The following THSD7B variants were observed in gnomAD, a reference collection of about 807,000 sequenced individuals.
THSD7B encodes the protein thrombospondin type-1 domain-containing protein 7B.
THSD7B carries 138 observed loss-of-function variants against 213.6 expected under a neutral mutation model. That is an observed-to-expected ratio of 0.65 (90% CI 0.56 to 0.74). The LOEUF is 0.74. Among genes scored for constraint, THSD7B ranks in the 30% least tolerant of loss-of-function variants. THSD7B has a pLI of 0.00. For missense variants in THSD7B, 1,931 were observed against 1,991.5 expected, an observed-to-expected ratio of 0.97 and a Z score of 0.58; for synonymous variants, 742 against 687.0, an observed-to-expected ratio of 1.08 and a Z score of -1.25.
rs1683883575 is a variant in THSD7B at position 136,892,663 on chromosome 2, GCTGT to G, written c.139+10351_139+10354del. On this transcript the variant is annotated intron_variant, in intron 2 of 27. Transcript: ENST00000409968. ...ATGTCCTCTTGAGAAGTTGAATTTT[GCTGT>G]CTGTTTTCCTGCAGAGATTAAGGAA... 2.0e-5 allele frequency among the ~76,000 whole-genome samples: 3 copies of G among 151,878 alleles called. No individual in the cohort carries two copies. In the South Asian group the frequency reaches 6.3e-4, roughly 32 times the overall value.
At chr2:137,033,927 C>T (rs1357869548) in intron 2 of THSD7B, among the ~76,000 whole-genome samples, 1 of 152,142 alleles carries the variant, frequency 6.6e-6, no homozygotes, top group African/African-American at 2.4e-5. Flanking sequence ...TCTCCCAATG[C>T]TATCCCTCCC....
chr2:137,228,316 A>C (rs1442438895), intron 7 of THSD7B, among the ~76,000 whole-genome samples: 1 of 152,088 alleles, frequency 6.6e-6, no homozygotes, highest in Non-Finnish European at 1.5e-5. Flanking sequence ...ATTGACATTA[A>C]AGTTCACTGA....
chr2:137,626,834 G>T (rs1031572222), intron 20 of THSD7B, among the ~76,000 whole-genome samples: 2 of 152,182 alleles, frequency 1.3e-5, no homozygotes, highest in African/African-American at 4.8e-5. Flanking sequence ...TGCTTGCTAT[G>T]GTGTAACAAG....
chr2:137,314,830 G>T (rs556780944), intron 12 of THSD7B, among the ~76,000 whole-genome samples: 1 of 152,224 alleles, frequency 6.6e-6, no homozygotes, highest in Non-Finnish European at 1.5e-5. Flanking sequence ...GGGGTCAGGG[G>T]TCAGGGACCC....
intron 2 of THSD7B, among the ~76,000 whole-genome samples, chr2:136,974,337 T>C (rs770056423): frequency 6.6e-6 from 1 of 152,108 alleles, no homozygotes; most frequent in Non-Finnish European, 1.5e-5. Context: ...TTCCTAATGC[T>C]CTCCCTCCCC....
At chr2:137,311,663 A>AT (rs1489300552) in intron 12 of THSD7B, among the ~76,000 whole-genome samples, 2 of 151,830 alleles carry the variant, frequency 1.3e-5, no homozygotes, top group Non-Finnish European at 2.9e-5. Flanking sequence ...AGCTCTTATT[A>AT]TTTTGAGATA....
In THSD7B at chr2:137,440,278, C is replaced by G. The variant is rs147128196; in HGVS notation, c.2960-10567C>G. On this transcript the variant is annotated intron_variant, in intron 14 of 27. Coordinates refer to ENST00000409968, the MANE Select transcript of THSD7B (RefSeq NM_001316349.2). Reference sequence around the variant, plus strand: ...CTTTTTCATTATATAATTTCCAGAGCCCACATGTCTGCTCCAACACTGGCT... The same window carrying G: ...CTTTTTCATTATATAATTTCCAGAGGCCACATGTCTGCTCCAACACTGGCT... Among the ~76,000 whole-genome samples, 1,378 of 152,094 alleles carry G rather than the reference C, an allele frequency of 9.1e-3. 17 individuals carry two copies. Among genetic ancestry groups the G allele is most frequent in the African/African-American group, 0.031 (1,306 of 41,506 alleles).
At chr2:137,399,009 C>T (rs537344610) in intron 12 of THSD7B, among the ~76,000 whole-genome samples, 91 of 152,238 alleles carry the variant, frequency 6.0e-4, no homozygotes, top group African/African-American at 1.9e-3. Flanking sequence ...GGCAATGCCT[C>T]GCCCTGCTTC....
rs376949671 is a variant in THSD7B at position 136,832,175 on chromosome 2, T to TTGTGTGTGTG, written c.-35-49951_-35-49942dup. The stretch of plus-strand genomic sequence containing the variant: ...CAGAATCAATAGGATATACATCCTA[T>TTGTGTGTGTG]TGTGTGTGTGTGTGTGTGTGTGTGT... On this transcript the variant is annotated intron_variant, in intron 1 of 27. Coordinates refer to ENST00000409968, the MANE Select transcript of THSD7B (RefSeq NM_001316349.2). Among the ~76,000 whole-genome samples, 139 of 72,980 alleles carry TTGTGTGTGTG rather than the reference T, an allele frequency of 1.9e-3. 1 individual carries two copies. The highest frequency in any genetic ancestry group is 4.4e-3 in the Admixed American group (30 of 6,832). 47.9% of individuals were successfully genotyped at this position (72,980 alleles called of 152,430 possible). A position where few individuals can be genotyped will look rare whatever the true frequency, so the allele number is the denominator to read the frequency against.
chr2:137,030,992 T>C (rs1686655133), intron 2 of THSD7B, among the ~76,000 whole-genome samples: 1 of 152,220 alleles, frequency 6.6e-6, no homozygotes, highest in Non-Finnish European at 1.5e-5. Context: ...ACTATTGTTA[T>C]TGTATTAATA....
chr2:136,880,852 A>C (rs971549992), intron 1 of THSD7B, among the ~76,000 whole-genome samples: 3 of 152,090 alleles, frequency 2.0e-5, no homozygotes, highest in African/African-American at 7.2e-5. Flanking sequence ...ATGCACACTG[A>C]TTCTAGTTAT....
intron 1 of THSD7B, among the ~76,000 whole-genome samples, chr2:136,834,764 T>A (rs1682817537): frequency 6.6e-6 from 1 of 152,204 alleles, no homozygotes; most frequent in Admixed American, 6.5e-5. Context: ...TAGCACTGTT[T>A]GGACAGCTGC....
chr2:137,156,831 G>A (rs1337012993), intron 5 of THSD7B, among the ~76,000 whole-genome samples: 1 of 152,128 alleles, frequency 6.6e-6, no homozygotes. Context: ...GGTTGATTGA[G>A]TACTTTGAAC....
intron 12 of THSD7B, among the ~76,000 whole-genome samples, chr2:137,395,216 A>T (rs1477438061): frequency 3.5e-5 from 5 of 144,788 alleles, no homozygotes; most frequent in Non-Finnish European, 6.1e-5. Context: ...AGGAGTGGTG[A>T]GAGAGGGCAT....
chr2:136,833,946 A>AT (rs1032661201), intron 1 of THSD7B, among the ~76,000 whole-genome samples: 62 of 152,144 alleles, frequency 4.1e-4, no homozygotes, highest in Admixed American at 4.6e-4. Flanking sequence ...ATCCCCATAG[A>AT]TTTTTTTTGA....
intron 15 of THSD7B, among the ~76,000 whole-genome samples, chr2:137,471,198 G>T (rs1226973931): frequency 6.6e-6 from 1 of 151,950 alleles, no homozygotes; most frequent in Non-Finnish European, 1.5e-5. Flanking sequence ...TGCAATTATA[G>T]GTGTAAGCCA....
intron 5 of THSD7B, among the ~76,000 whole-genome samples, chr2:137,117,405 C>G (rs928057582): frequency 6.6e-6 from 1 of 152,054 alleles, no homozygotes; most frequent in African/African-American, 2.4e-5. Flanking sequence ...TCTGTCAATG[C>G]AATAATAAAG....
At chr2:137,079,372 C>G (rs1296860288) in intron 3 of THSD7B, among the ~76,000 whole-genome samples, 2 of 152,016 alleles carry the variant, frequency 1.3e-5, no homozygotes, top group African/African-American at 4.8e-5. Context: ...CCAGCATCTT[C>G]TGTATTTTTC....
At chr2:137,523,207 A>G (rs1680218897) in intron 15 of THSD7B, among the ~76,000 whole-genome samples, 3 of 152,192 alleles carry the variant, frequency 2.0e-5, no homozygotes, top group Non-Finnish European at 4.4e-5. Flanking sequence ...TCATTAATTC[A>G]AAATTCAATT....
Sources: gnomAD v4.1 joint callset for allele counts (sites outside exome capture counted in the v4.1 genomes callset) on GRCh38, gnomAD v4.1.1 for gene constraint, MANE v1.5 for transcripts, NCBI Gene and HGNC (gene_info 2026-07-23, HGNC 2026-07-21) for gene names.